The following ATP8A1 variants were observed in gnomAD, a reference collection of about 807,000 sequenced individuals.
ATP8A1 encodes ATPase phospholipid transporting 8A1.
ATP8A1 carries 90 observed loss-of-function variants against 177.7 expected under a neutral mutation model. That is an observed-to-expected ratio of 0.51 (90% confidence interval 0.43 to 0.60). The LOEUF (loss-of-function observed/expected upper bound fraction) is 0.60. Among genes scored for constraint, ATP8A1 ranks in the 20% least tolerant of loss-of-function variants. The pLI, the probability that ATP8A1 is intolerant of heterozygous loss-of-function variation, is 0.00. For missense variants in ATP8A1, 1,072 were observed against 1,392.8 expected (o/e 0.77, Z 3.67); for synonymous variants, 493 against 485.9 (o/e 1.01, Z -0.19).
intron 16 of ATP8A1, among the ~76,000 whole-genome samples, chr4:42,555,143 T>TATCTATCTAATCA (rs1730021851): frequency 1.5e-5 from 1 of 64,806 alleles, no homozygotes; most frequent in East Asian, 4.1e-4. Context: ...CTATCTAATC[T>TATCTATCTAATCA]ATCTATCTAT....
At chr4:42,528,601 C>T (rs1157987970) in intron 20 of ATP8A1, among the ~76,000 whole-genome samples, 1 of 152,048 alleles carries the variant, frequency 6.6e-6, no homozygotes, top group African/African-American at 2.4e-5. Flanking sequence ...ACCGACTTGG[C>T]AAATTCCTTT....
chr4:42,438,220 T>C (rs924114156), intron 33 of ATP8A1, among the ~76,000 whole-genome samples: 3 of 152,190 alleles, frequency 2.0e-5, no homozygotes, highest in African/African-American at 7.2e-5. Flanking sequence ...CTGGAGCTGT[T>C]TGACCTTCAG....
chr4:42,594,927 T>C (rs1380994875), intron 6 of ATP8A1, among the ~76,000 whole-genome samples: 1 of 152,162 alleles, frequency 6.6e-6, no homozygotes, highest in African/African-American at 2.4e-5. Context: ...GTATTTTAAA[T>C]TAAAAATTAA....
chr4:42,556,797 T>C (rs1179720481), intron 15 of ATP8A1, among the ~76,000 whole-genome samples: 2 of 152,114 alleles, frequency 1.3e-5, no homozygotes, highest in African/African-American at 2.4e-5. Context: ...GAAAAGGGTA[T>C]AGTTTGCAAA....
intron 1 of ATP8A1, among the ~76,000 whole-genome samples, chr4:42,654,077 CAG>C (rs1172539516): frequency 6.6e-6 from 1 of 152,204 alleles, no homozygotes; most frequent in Admixed American, 6.5e-5. Context: ...CCTCCTGAAT[CAG>C]ACTCTGCGTT....
At chr4:42,470,757 C>A (rs1025554877) in intron 25 of ATP8A1, among the ~76,000 whole-genome samples, 1 of 152,078 alleles carries the variant, frequency 6.6e-6, no homozygotes, top group Non-Finnish European at 1.5e-5. Context: ...TATATAGTGA[C>A]CAAGCCCAGT....
At chr4:42,605,067 T>A (rs1372661930) in intron 5 of ATP8A1, among the ~76,000 whole-genome samples, 1 of 152,186 alleles carries the variant, frequency 6.6e-6, no homozygotes, top group East Asian at 1.9e-4. Context: ...TTTGGATTAA[T>A]GAAAATGTTC....
intron 7 of ATP8A1, among the ~76,000 whole-genome samples, chr4:42,589,805 C>T (rs1245862783): frequency 6.6e-6 from 1 of 150,876 alleles, no homozygotes; most frequent in Non-Finnish European, 1.5e-5. Context: ...TACTAAATGA[C>T]AATGTTGATT....
chr4:42,424,021 A>T (rs1714297697), intron 33 of ATP8A1, among the ~76,000 whole-genome samples: 1 of 152,166 alleles, frequency 6.6e-6, no homozygotes, highest in South Asian at 2.1e-4. Flanking sequence ...ATCCAGATAA[A>T]TCATGACTAC....
intron 1 of ATP8A1, among the ~76,000 whole-genome samples, chr4:42,640,840 G>T (rs1343357562): frequency 6.6e-6 from 1 of 152,018 alleles, no homozygotes; most frequent in Non-Finnish European, 1.5e-5. Flanking sequence ...GACCAGCCAG[G>T]CCAGTCAGAT....
intron 4 of ATP8A1, among the ~76,000 whole-genome samples, chr4:42,620,834 G>A (rs768637093): frequency 5.3e-5 from 8 of 152,168 alleles, no homozygotes; most frequent in Non-Finnish European, 1.2e-4. Flanking sequence ...GCACTGGATA[G>A]GACGGAATTC....
chr4:42,556,266 G>C (rs556805630), intron 15 of ATP8A1: 2 of 347,026 alleles, frequency 5.8e-6, no homozygotes, highest in East Asian at 8.8e-5. Flanking sequence ...ATGAAAAATA[G>C]TATTTTACAG....
At chr4:42,537,331 T>G (rs1727951252) in intron 20 of ATP8A1, among the ~76,000 whole-genome samples, 1 of 151,610 alleles carries the variant, frequency 6.6e-6, no homozygotes, top group Non-Finnish European at 1.5e-5. Context: ...GGGAAAAAGT[T>G]GAAAGCATTC....
intron 27 of ATP8A1, among the ~76,000 whole-genome samples, chr4:42,462,232 A>G (rs1016462297): frequency 6.6e-6 from 1 of 152,246 alleles, no homozygotes; most frequent in African/African-American, 2.4e-5. Flanking sequence ...AATCCTCAAG[A>G]CAACGGGGAA....
intron 1 of ATP8A1, among the ~76,000 whole-genome samples, chr4:42,643,276 A>T (rs1740191097): frequency 6.6e-6 from 1 of 152,240 alleles, no homozygotes; most frequent in African/African-American, 2.4e-5. Context: ...GGGAAACAGA[A>T]GATGGAAATT....
intron 10 of ATP8A1, among the ~76,000 whole-genome samples, chr4:42,581,108 G>T (rs1732994000): frequency 6.6e-6 from 1 of 151,996 alleles, no homozygotes; most frequent in East Asian, 1.9e-4. Flanking sequence ...GAACCTTCCA[G>T]TATTCCCGTG....
intron 6 of ATP8A1, among the ~76,000 whole-genome samples, chr4:42,595,118 C>T (rs980689546): frequency 8.6e-5 from 13 of 151,996 alleles, no homozygotes; most frequent in Non-Finnish European, 1.3e-4. Flanking sequence ...CACTGTTAGC[C>T]GCTCCCTTTA....
At chr4:42,605,700 T>C (rs1017799329) in intron 5 of ATP8A1, among the ~76,000 whole-genome samples, 3 of 152,172 alleles carry the variant, frequency 2.0e-5, no homozygotes, top group East Asian at 1.9e-4. Flanking sequence ...TTCAAACTTA[T>C]TTACCTCCTT....
chr4:42,517,280 A>C (rs1578090781), intron 22 of ATP8A1, among the ~76,000 whole-genome samples: 1 of 134,998 alleles, frequency 7.4e-6, no homozygotes, highest in South Asian at 2.5e-4. Context: ...CAACAGAGTG[A>C]GACTCCGTCT....
Sources: gnomAD v4.1 joint callset for allele counts (sites outside exome capture counted in the v4.1 genomes callset) on GRCh38, gnomAD v4.1.1 for gene constraint, MANE v1.5 for transcripts, NCBI Gene and HGNC (gene_info 2026-07-23, HGNC 2026-07-21) for gene names.